The following NRDC variants were observed in gnomAD, a reference collection of about 807,000 sequenced individuals.
NRDC encodes the protein nardilysin.
Under a neutral mutation model 147.1 loss-of-function variants are expected in NRDC, and 54 were observed. That is an observed-to-expected ratio of 0.37 (90% CI 0.29 to 0.46). The LOEUF (loss-of-function observed/expected upper bound fraction) is 0.46, where lower values mean the gene tolerates loss of function less well. Among genes scored for constraint, NRDC ranks in the 20% least tolerant of loss-of-function variants. NRDC has a pLI of 1.00. For missense variants in NRDC, 1,082 were observed against 1,370.6 expected, an observed-to-expected ratio of 0.79 and a Z score of 3.33; for synonymous variants, 440 against 482.1, an observed-to-expected ratio of 0.91 and a Z score of 1.14.
chr1:51,850,512 T>A (rs113012084), intron 1 of NRDC, among the ~76,000 whole-genome samples: 3,063 of 152,308 alleles, frequency 0.02, 109 homozygotes, highest in African/African-American at 0.071. Flanking sequence ...AAATATTAAG[T>A]TCTTTCAAGG....
intron 1 of NRDC, among the ~76,000 whole-genome samples, chr1:51,862,667 G>A (rs1391860365): frequency 6.6e-6 from 1 of 151,964 alleles, no homozygotes; most frequent in South Asian, 2.1e-4. Flanking sequence ...AGGCTGCAGT[G>A]AGCCATGATC....
chr1:51,878,292 G>A lies in NRDC; in HGVS notation c.324C>T (p.Ser108=), dbSNP rs373490390. Residue 108 remains serine (S), a synonymous_variant, in exon 1 of 31, where the codon AGC becomes AGT. Coordinates refer to ENST00000352171, the MANE Select transcript of NRDC (RefSeq NM_001101662.2). ...TCCCTCACCGGTATTGCTTGGGGTC[G>A]CTGGGAGACTTGACGATCTCAGGGT... The part of the protein sequence containing the change: ...AGDPEIVKSP[S]DPKQYRYIKL... The A allele has an allele frequency of 1.1e-5, 17 of 1,613,002 alleles. No individual in the cohort carries two copies. The highest frequency in any genetic ancestry group is 1.4e-5 in the Non-Finnish European group (16 of 1,179,192).
intron 29 of NRDC, 118 bp from the exon 30 acceptor site, chr1:51,789,775 C>T: frequency 1.4e-6 from 1 of 713,044 alleles, no homozygotes; most frequent in South Asian, 1.7e-5. Flanking sequence ...TTTATTCTTC[C>T]TATTCTCAGG....
intron 21 of NRDC, among the ~76,000 whole-genome samples, chr1:51,799,673 T>C (rs993894167): frequency 5.9e-5 from 9 of 152,202 alleles, no homozygotes; most frequent in South Asian, 2.1e-4. Flanking sequence ...TACCTGCTAA[T>C]AGAGGGTACC....
chr1:51,803,881 T>G lies in NRDC; in HGVS notation c.2246A>C (p.Glu749Ala). The G allele has an allele frequency of 6.2e-7, 1 of 1,613,712 alleles. No homozygotes were observed. Among genetic ancestry groups the G allele is most frequent in the Non-Finnish European group, 8.5e-7 (1 of 1,179,660 alleles). Residue 749 changes from glutamate (E) to alanine (A), a missense_variant, in exon 20 of 31, where the codon GAG (glutamate) becomes GCG (alanine). Physicochemically the swap from Glu to Ala is moderately radical, Grantham distance 107. This residue lies in a region of NRDC where 635 missense variants were observed against 923.8 expected (regional missense o/e 0.69). Transcript: ENST00000352171. ...PAYEADVAQL[E>A]YKLVAGEHGL... ...ATGTTCTCCAGCTACCAGTTTATAC[T>G]CCAGCTGTGCCACATCTGCTTCATA...
At chr1:51,855,281 G>A (rs561277001) in intron 1 of NRDC, among the ~76,000 whole-genome samples, 2 of 152,072 alleles carry the variant, frequency 1.3e-5, no homozygotes, top group South Asian at 2.1e-4. Context: ...TCCTCTTTGC[G>A]TAGCATCCTG....
At chr1:51,873,763 C>T (rs1018081671) in intron 1 of NRDC, among the ~76,000 whole-genome samples, 13 of 151,584 alleles carry the variant, frequency 8.6e-5, no homozygotes, top group African/African-American at 1.2e-4. Flanking sequence ...CACCCACCTC[C>T]GCCTCCCAAA....
At chr1:51,858,670 A>C (rs1351397631) in intron 1 of NRDC, among the ~76,000 whole-genome samples, 1 of 152,178 alleles carries the variant, frequency 6.6e-6, no homozygotes, top group Non-Finnish European at 1.5e-5. Context: ...GTCTGAGTCC[A>C]AGCACAGAGT....
rs140915009 is a variant in NRDC, at chr1:51,827,825, A to G, written c.911T>C (p.Ile304Thr). The change falls in exon 5 of 31, where the codon ATT becomes ACT. Residue 304 changes from isoleucine to threonine, a missense_variant. This residue lies in a region of NRDC where 635 missense variants were observed against 923.8 expected (regional missense o/e 0.69). Transcript: ENST00000352171. ...FIHPLMIRDA[I>T]DREVEAVDSE... ...ATCAACAGCTTCAACTTCACGGTCA[A>G]TTGCATCTCTGATCATTAGTGGGTG... 3 of 1,613,934 alleles carry G rather than the reference A, an allele frequency of 1.9e-6. No homozygotes were observed. Among genetic ancestry groups the G allele is most frequent in the South Asian group, 1.1e-5 (1 of 91,074 alleles).
In NRDC at chr1:51,834,182, G is replaced by C. The variant is rs1483346770; in HGVS notation, c.713-12C>G. The C allele has an allele frequency of 6.2e-7, 1 of 1,612,832 alleles. No homozygotes were observed. The highest frequency in any genetic ancestry group is 8.5e-7 in the Non-Finnish European group (1 of 1,179,568). ...ACCCATGAATACCACTAAATGGAAA[G>C]AACACAAAGTCACACAACACAAAGA... On this transcript the variant is annotated splice_polypyrimidine_tract_variant and intron_variant, in intron 3 of 30. Coordinates refer to ENST00000352171, the MANE Select transcript of NRDC (RefSeq NM_001101662.2).
intron 1 of NRDC, among the ~76,000 whole-genome samples, chr1:51,866,659 T>C (rs1042762155): frequency 9.2e-5 from 14 of 152,018 alleles, no homozygotes; most frequent in African/African-American, 1.9e-4. Flanking sequence ...ATTACACTTA[T>C]TGACATGGAT....
chr1:51,818,060 T>C lies in NRDC; in HGVS notation c.1361+6A>G. 1 of 1,604,178 alleles carries C rather than the reference T, an allele frequency of 6.2e-7. No homozygotes were observed. The highest frequency in any genetic ancestry group is 8.5e-7 in the Non-Finnish European group (1 of 1,175,656). On this transcript the variant is annotated splice_donor_region_variant and intron_variant, in intron 10 of 30. Transcript: ENST00000352171. ...TAATGAAGTAAATTTTCCCTTAAAC[T>C]CTTACCTGTAATGTTGCTGTTGAGG...
chr1:51,791,705 T>TG, intron 26 of NRDC, 44 bp from the exon 27 acceptor site: 1 of 1,491,264 alleles, frequency 6.7e-7, no homozygotes, highest in Non-Finnish European at 9.4e-7. Flanking sequence ...GGTGATCATC[T>TG]GGGCCCTGGC....
At chr1:51,852,268 A>G (rs951322773) in intron 1 of NRDC, among the ~76,000 whole-genome samples, 1 of 146,622 alleles carries the variant, frequency 6.8e-6, no homozygotes, top group African/African-American at 2.7e-5. Flanking sequence ...TCTTAGTTTC[A>G]TGGGGGAGAA....
At chr1:51,856,363 G>C (rs1421959291) in intron 1 of NRDC, among the ~76,000 whole-genome samples, 1 of 152,140 alleles carries the variant, frequency 6.6e-6, no homozygotes, top group East Asian at 1.9e-4. Context: ...CCCAGGATGA[G>C]GGCTCAGTCC....
intron 14 of NRDC, 37 bp from the exon 15 acceptor site, chr1:51,812,135 C>A: frequency 7.3e-7 from 1 of 1,366,946 alleles, no homozygotes; most frequent in Non-Finnish European, 1.0e-6. Flanking sequence ...CAGAACTTCT[C>A]CATTATTATA....
chr1:51,863,540 G>A (rs921658804), intron 1 of NRDC, among the ~76,000 whole-genome samples: 1 of 152,134 alleles, frequency 6.6e-6, no homozygotes, highest in Non-Finnish European at 1.5e-5. Flanking sequence ...GGCAAGCTAC[G>A]TCATATACTT....
chr1:51,878,505 T>C lies in NRDC; in HGVS notation c.111A>G (p.Glu37=). 3.7e-6 allele frequency: 6 copies of C among 1,613,866 alleles called. No individual in the cohort carries two copies. Among genetic ancestry groups the C allele is most frequent in the South Asian group, 1.1e-5 (1 of 91,054 alleles). Residue 37 remains glutamate, a synonymous_variant, in exon 1 of 31, where the codon GAA becomes GAG. Coordinates refer to ENST00000352171, the MANE Select transcript of NRDC (RefSeq NM_001101662.2). The part of the protein sequence containing the change: ...LWGIETRGRC[E]DSAAARPFPI... ...GAAAGGGTCTGGCAGCAGCAGAGTC[T>C]TCGCACCGACCCCGCGTTTCGATTC...
At chr1:51,865,529 C>G (rs964253518) in intron 1 of NRDC, among the ~76,000 whole-genome samples, 1 of 151,954 alleles carries the variant, frequency 6.6e-6, no homozygotes, top group African/African-American at 2.4e-5. Flanking sequence ...TCTTGCACTC[C>G]TGACCTCAGG....
Sources: allele counts gnomAD v4.1 joint callset (sites outside exome capture counted in the v4.1 genomes callset), GRCh38; gene constraint gnomAD v4.1.1; regional missense constraint gnomAD v4.1.1; transcripts MANE v1.5; gene names NCBI Gene and HGNC (gene_info 2026-07-23, HGNC 2026-07-21).